DYNC2I2: variants seen among roughly 807,000 people sequenced by gnomAD.
DYNC2I2 encodes cytoplasmic dynein 2 intermediate chain 2.
DYNC2I2 carries 39 observed loss-of-function variants against 52.0 expected under a neutral mutation model. The observed-to-expected ratio is 0.75, with a 90% CI of 0.58 to 0.98. DYNC2I2 has a LOEUF of 0.98. Ranked by LOEUF, DYNC2I2 falls within the 50% of genes least tolerant of loss-of-function variation. The pLI is 0.00. For synonymous variants in DYNC2I2, 359 were observed against 321.1 expected (o/e 1.12, Z -1.26); for missense variants, 743 against 728.4 (o/e 1.02, Z -0.23).
At chr9:128,665,122 G>A in the DYNC2I2 span, among the ~76,000 whole-genome samples, 63 of 147,382 alleles carry the variant, frequency 4.3e-4, no homozygotes, top group African/African-American at 1.5e-3. Flanking sequence ...GCGCAATCTC[G>A]GCTAACTGAA....
intron 1 of DYNC2I2, among the ~76,000 whole-genome samples, chr9:128,655,328 T>C (rs1425720522): frequency 1.1e-4 from 1 of 8,968 alleles, no homozygotes; most frequent in Non-Finnish European, 6.4e-4. Flanking sequence ...TGAAACCCCG[T>C]CTCTACTAAA....
rs763923412 is a variant in DYNC2I2 at position 128,633,961 on chromosome 9, A to C, written c.1394T>G (p.Leu465Arg). ...SGKGDVQLFD[L>R]QKSSQKPTVL... Reference sequence around the variant, plus strand: ...TGTGGGTTTCTGGGAGCTTTTCTGGAGATCAAACAGCTGCACGTCACCTGC... The same window carrying C: ...TGTGGGTTTCTGGGAGCTTTTCTGGCGATCAAACAGCTGCACGTCACCTGC... The change falls in exon 9 of 9, where the codon CTC becomes CGC. Residue 465 changes from leucine to arginine, a missense_variant. By Grantham distance (102) the Leu-to-Arg change is moderately radical. Coordinates refer to ENST00000372715, the MANE Select transcript of DYNC2I2 (RefSeq NM_052844.4). 3.7e-6 allele frequency: 6 copies of C among 1,613,026 alleles called. No individual in the cohort carries two copies. Among genetic ancestry groups the C allele is most frequent in the Non-Finnish European group, 5.1e-6 (6 of 1,180,026 alleles).
the DYNC2I2 span, among the ~76,000 whole-genome samples, chr9:128,662,217 C>T: frequency 6.7e-6 from 1 of 149,876 alleles, no homozygotes; most frequent in African/African-American, 2.5e-5. Context: ...TGGGCAACAG[C>T]GCGAGACTCC....
chr9:128,667,567 G>A, the DYNC2I2 span, among the ~76,000 whole-genome samples: 19 of 149,042 alleles, frequency 1.3e-4, no homozygotes, highest in Admixed American at 2.0e-4. Flanking sequence ...CGCCCGCCTC[G>A]TCCTGTATTT....
At chr9:128,678,086 T>C in the DYNC2I2 span, among the ~76,000 whole-genome samples, 2 of 151,546 alleles carry the variant, frequency 1.3e-5, no homozygotes, top group Non-Finnish European at 2.9e-5. Flanking sequence ...TTTTTTTTTT[T>C]GGGACAGAGT....
chr9:128,662,307 C>T, the DYNC2I2 span, among the ~76,000 whole-genome samples: 4 of 152,062 alleles, frequency 2.6e-5, no homozygotes, highest in African/African-American at 7.2e-5. Context: ...GCCATCTGCC[C>T]ATGCTCTTTG....
upstream of DYNC2I2, among the ~76,000 whole-genome samples, chr9:128,658,698 G>A (rs1434811480): frequency 6.6e-6 from 1 of 150,494 alleles, no homozygotes; most frequent in African/African-American, 2.4e-5. Context: ...CCTGACCTCA[G>A]GTGAGCCACC....
chr9:128,635,333 T>G, intron 5 of DYNC2I2, 74 bp from the exon 6 acceptor site: 2 of 1,474,206 alleles, frequency 1.4e-6, no homozygotes, highest in Non-Finnish European at 1.8e-6. Flanking sequence ...ACCCCTACCC[T>G]CCCTCTCTTC....
chr9:128,639,646 TCATA>T (rs1485545225), intron 2 of DYNC2I2, among the ~76,000 whole-genome samples: 2 of 151,948 alleles, frequency 1.3e-5, no homozygotes, highest in South Asian at 2.1e-4. Context: ...TAGCACTACC[TCATA>T]CAGTTTTTTT....
At chr9:128,635,410 G>C in intron 5 of DYNC2I2, 151 bp from the exon 6 acceptor site, 2 of 996,018 alleles carry the variant, frequency 2.0e-6, no homozygotes, top group Non-Finnish European at 2.9e-6. Context: ...CAGGCCTGGA[G>C]GGTTCCCAGG....
chr9:128,657,044 A>AGAGGGCGGCAGCCTGCGGCC (rs1860844068), upstream of DYNC2I2, among the ~76,000 whole-genome samples: 3 of 152,216 alleles, frequency 2.0e-5, no homozygotes, highest in South Asian at 2.1e-4. Context: ...AGAAGCGAAG[A>AGAGGGCGGCAGCCTGCGGCC]GAGGGCGGCA....
At chr9:128,638,605 C>T (rs1341436856) in intron 2 of DYNC2I2, among the ~76,000 whole-genome samples, 4 of 152,118 alleles carry the variant, frequency 2.6e-5, no homozygotes, top group Non-Finnish European at 5.9e-5. Context: ...ACAGCCACAC[C>T]CCGCGCACTG....
At chr9:128,677,328 A>G in the DYNC2I2 span, among the ~76,000 whole-genome samples, 1 of 152,110 alleles carries the variant, frequency 6.6e-6, no homozygotes, top group African/African-American at 2.4e-5. Flanking sequence ...TACTAAAAAT[A>G]CAATAAACTA....
At position 128,633,680 on chromosome 9, in the gene DYNC2I2, T is replaced by C. The variant is rs1860217131; in HGVS notation, c.*64A>G. The C allele has an allele frequency of 2.0e-6, 3 of 1,528,200 alleles. No individual in the cohort carries two copies. Among genetic ancestry groups the C allele is most frequent in the Non-Finnish European group, 2.7e-6 (3 of 1,127,578 alleles). The allele number at this position is 1,528,200 out of a possible 1,614,324, so 94.7% of individuals were successfully genotyped here. A position where few individuals can be genotyped will look rare whatever the true frequency, so the allele number is the denominator to read the frequency against. ...CCCCCAAAGCTTTGCTTTTCTTCAT[T>C]TGGCTTGCGTCAGAAACACAAGGCT... On this transcript the variant is annotated 3_prime_UTR_variant, in exon 9 of 9. Transcript: ENST00000372715.
intron 1 of DYNC2I2, among the ~76,000 whole-genome samples, chr9:128,656,159 G>A (rs1860819003): frequency 6.7e-6 from 1 of 149,222 alleles, no homozygotes; most frequent in African/African-American, 2.5e-5. Context: ...GCAGTGAGCC[G>A]AGATCGCACC....
intron 1 of DYNC2I2, among the ~76,000 whole-genome samples, chr9:128,648,496 G>A (rs1332366447): frequency 6.6e-6 from 1 of 151,534 alleles, no homozygotes; most frequent in East Asian, 2.0e-4. Flanking sequence ...GCCAAGCCAA[G>A]CGGGCAGGGC....
rs200271161 is a variant in DYNC2I2, at chr9:128,634,915, G to A, written c.988C>T (p.Arg330Cys). ...PRSTKLKKHP[R>C]GETEVGATAV... ...GTGGCGCCCACCTCGGTCTCCCCGC[G>A]GGGATGCTGTGGAGAAATGGCAGCA... The change falls in exon 7 of 9, where the codon CGC (arginine) becomes TGC (cysteine). Residue 330 changes from arginine to cysteine, a missense_variant. By Grantham distance (180) the Arg-to-Cys change is radical. Transcript: ENST00000372715. 71 of 1,612,088 alleles carry A rather than the reference G, an allele frequency of 4.4e-5. No homozygotes were observed. The highest frequency in any genetic ancestry group is 3.3e-4 in the Admixed American group (20 of 59,952).
At chr9:128,642,306 A>AT (rs71381782) in intron 1 of DYNC2I2, among the ~76,000 whole-genome samples, 3 of 149,336 alleles carry the variant, frequency 2.0e-5, no homozygotes, top group Non-Finnish European at 4.5e-5. Context: ...AAAAAAAAAA[A>AT]TTAGCCGGGT....
At position 128,648,985 on chromosome 9, in the gene DYNC2I2, G is replaced by A. The variant is rs576797092; in HGVS notation, c.186+7556C>T. Among the ~76,000 whole-genome samples, 256 of 152,126 alleles carry A rather than the reference G, an allele frequency of 1.7e-3. 1 individual carries two copies. The highest frequency in any genetic ancestry group is 2.9e-3 in the Non-Finnish European group (200 of 67,998). Reference sequence around the variant, plus strand: ...ATTCAGCATTTCCTAGGCACCTCTGGGACATGGAAAACTACAGGAGACTCA... The same window carrying A: ...ATTCAGCATTTCCTAGGCACCTCTGAGACATGGAAAACTACAGGAGACTCA... On this transcript the variant is annotated intron_variant, in intron 1 of 8. Coordinates refer to ENST00000372715, the MANE Select transcript of DYNC2I2 (RefSeq NM_052844.4).
Sources: allele counts gnomAD v4.1 joint callset (sites outside exome capture counted in the v4.1 genomes callset), GRCh38; gene constraint gnomAD v4.1.1; transcripts MANE v1.5; gene names NCBI Gene and HGNC (gene_info 2026-07-23, HGNC 2026-07-21).